Variants in PDE7A observed in about 807,000 individuals in gnomAD.
The protein encoded by PDE7A is phosphodiesterase 7A, also known as high affinity 3',5'-cyclic-AMP phosphodiesterase 7A.
Under a neutral mutation model 64.3 loss-of-function variants are expected in PDE7A, and 39 were observed. The observed-to-expected ratio is 0.61, with a 90% CI of 0.47 to 0.79. The LOEUF (loss-of-function observed/expected upper bound fraction) is 0.79, where lower values mean the gene tolerates loss of function less well. Among genes scored for constraint, PDE7A ranks in the 30% least tolerant of loss-of-function variants. The pLI, the probability that PDE7A is intolerant of heterozygous loss-of-function variation, is 0.00. For synonymous variants in PDE7A, 203 were observed against 206.8 expected, an observed-to-expected ratio of 0.98 and a Z score of 0.16; for missense variants, 470 against 582.8, an observed-to-expected ratio of 0.81 and a Z score of 1.99.
At chr8:65,832,859 T>C (rs1810866268) in intron 1 of PDE7A, among the ~76,000 whole-genome samples, 1 of 152,218 alleles carries the variant, frequency 6.6e-6, no homozygotes, top group African/African-American at 2.4e-5. Flanking sequence ...TATTTCCTAC[T>C]GTTCCTAGCT....
intron 7 of PDE7A, among the ~76,000 whole-genome samples, chr8:65,730,819 A>C (rs1055844874): frequency 6.6e-6 from 1 of 152,172 alleles, no homozygotes; most frequent in East Asian, 1.9e-4. Context: ...GCTACTTGGG[A>C]GGCTGAGACA....
At chr8:65,809,467 C>T (rs1345648964) in intron 1 of PDE7A, among the ~76,000 whole-genome samples, 2 of 152,106 alleles carry the variant, frequency 1.3e-5, no homozygotes, top group Admixed American at 6.5e-5. Flanking sequence ...AACAGATTAG[C>T]ATTACCACAA....
chr8:65,726,887 G>T lies in PDE7A; in HGVS notation c.908C>A (p.Pro303Gln). 6.3e-7 allele frequency: 1 copy of T among 1,587,590 alleles called. No homozygotes were observed. Among genetic ancestry groups the T allele is most frequent in the Non-Finnish European group, 8.6e-7 (1 of 1,157,048 alleles). Residue 303 changes from proline (P) to glutamine (Q), a missense_variant, in exon 9 of 13, where the codon CCA becomes CAA. Coordinates refer to ENST00000401827, the MANE Select transcript of PDE7A (RefSeq NM_001242318.3). ...TAATCCAACCTACCTGCTTTCTAAT[G>T]GCAGATGTGAGAATAAGCCTGATTC... ...LRESGLFSHL[P>Q]LESRQQMETQ...
chr8:65,836,416 T>C (rs1435198972), intron 1 of PDE7A, among the ~76,000 whole-genome samples: 1 of 152,180 alleles, frequency 6.6e-6, no homozygotes, highest in Non-Finnish European at 1.5e-5. Flanking sequence ...TAGCAAAATG[T>C]TTATAAAATG....
intron 12 of PDE7A, chr8:65,721,668 T>C (rs1806381863): frequency 6.6e-6 from 1 of 152,208 alleles, no homozygotes; most frequent in Non-Finnish European, 1.5e-5. Context: ...ATTACAATGT[T>C]TTAAATCTCA....
At chr8:65,801,268 A>C (rs1019028961) in intron 1 of PDE7A, among the ~76,000 whole-genome samples, 24 of 152,340 alleles carry the variant, frequency 1.6e-4, no homozygotes, top group African/African-American at 5.5e-4. Context: ...CCAACAATGG[A>C]CTAGTTTAGA....
intron 1 of PDE7A, among the ~76,000 whole-genome samples, chr8:65,828,381 A>G (rs1423782899): frequency 6.6e-6 from 1 of 152,066 alleles, no homozygotes. Context: ...TTTTCCCCCA[A>G]AGTTGTTATG....
chr8:65,727,975 AG>A (rs1440689331), intron 7 of PDE7A: 5 of 152,344 alleles, frequency 3.3e-5, no homozygotes, highest in East Asian at 1.9e-4. Context: ...AATAAATAAA[AG>A]TTTATGATTA....
intron 1 of PDE7A, among the ~76,000 whole-genome samples, chr8:65,794,823 A>C (rs1200191638): frequency 6.6e-6 from 1 of 152,250 alleles, no homozygotes; most frequent in Non-Finnish European, 1.5e-5. Flanking sequence ...AACAATCAGC[A>C]TAACAACAAG....
At chr8:65,729,056 G>C (rs1354136216) in intron 7 of PDE7A, among the ~76,000 whole-genome samples, 2 of 151,774 alleles carry the variant, frequency 1.3e-5, no homozygotes, top group East Asian at 1.9e-4. Flanking sequence ...ACAAAGACAA[G>C]GACTTCAATA....
chr8:65,825,435 G>A (rs535607375), intron 1 of PDE7A, among the ~76,000 whole-genome samples: 1 of 152,318 alleles, frequency 6.6e-6, no homozygotes, highest in South Asian at 2.1e-4. Context: ...CAGCATAGCA[G>A]AGGAGCTTTA....
At chr8:65,724,225 GATTA>G (rs773408814) in intron 11 of PDE7A, 26 bp downstream of exon 11, 15 of 1,370,256 alleles carry the variant, frequency 1.1e-5, no homozygotes, top group African/African-American at 5.7e-5. Context: ...GAACTGGATA[GATTA>G]ATTATCACTC....
chr8:65,716,485 A>G lies in PDE7A; in HGVS notation c.*2805T>C, dbSNP rs1806149369. Among the ~76,000 whole-genome samples the G allele has an allele frequency of 1.3e-5, 2 of 152,102 alleles. No individual in the cohort carries two copies. Among genetic ancestry groups the G allele is most frequent in the Admixed American group, 1.3e-4 (2 of 15,274 alleles). ...AGAATCTCTAGCACCTTCCAGGGGA[A>G]GAGGGTACCCTGGTCCACAAACATG... On this transcript the variant is annotated 3_prime_UTR_variant, in exon 13 of 13. Coordinates refer to ENST00000401827, the MANE Select transcript of PDE7A (RefSeq NM_001242318.3).
At chr8:65,789,152 A>G (rs1414992442) in intron 1 of PDE7A, 2 of 951,988 alleles carry the variant, frequency 2.1e-6, no homozygotes, top group Non-Finnish European at 2.9e-6. Context: ...CGCATGCTTC[A>G]TGCCACAACC....
intron 3 of PDE7A, among the ~76,000 whole-genome samples, chr8:65,777,623 C>A (rs1405062634): frequency 6.6e-6 from 1 of 152,138 alleles, no homozygotes; most frequent in African/African-American, 2.4e-5. Context: ...CCTTACGTAA[C>A]AAATTGTGAA....
chr8:65,781,340 T>TG (rs1401607104), intron 2 of PDE7A, among the ~76,000 whole-genome samples: 1 of 141,050 alleles, frequency 7.1e-6, no homozygotes, highest in Non-Finnish European at 1.5e-5. Context: ...GGGGAACTGG[T>TG]GGGGGTGGGG....
At chr8:65,825,945 T>C (rs1411232428) in intron 1 of PDE7A, among the ~76,000 whole-genome samples, 1 of 151,814 alleles carries the variant, frequency 6.6e-6, no homozygotes, top group Non-Finnish European at 1.5e-5. Flanking sequence ...TAACAGGTAA[T>C]GGGATAGATG....
At chr8:65,744,552 C>T (rs533145901) in intron 5 of PDE7A, among the ~76,000 whole-genome samples, 1 of 152,194 alleles carries the variant, frequency 6.6e-6, no homozygotes, top group Admixed American at 6.5e-5. Context: ...GGGCATTTTC[C>T]CCCAAACCAC....
intron 1 of PDE7A, among the ~76,000 whole-genome samples, chr8:65,806,885 A>G (rs1379771835): frequency 6.6e-6 from 1 of 152,324 alleles, no homozygotes; most frequent in East Asian, 1.9e-4. Context: ...TCTCAATTCT[A>G]TTCCATTGAT....
Sources: gnomAD v4.1 joint callset for allele counts (sites outside exome capture counted in the v4.1 genomes callset) on GRCh38, gnomAD v4.1.1 for gene constraint, MANE v1.5 for transcripts, NCBI Gene and HGNC (gene_info 2026-07-23, HGNC 2026-07-21) for gene names.